The following PSMD6 variants were observed in gnomAD, a reference collection of about 807,000 sequenced individuals.
The protein encoded by PSMD6 is proteasome 26S subunit, non-ATPase 6, also known as 26S proteasome non-ATPase regulatory subunit 6.
A neutral mutation model predicts 44.9 loss-of-function variants in PSMD6; 7 were observed. The observed-to-expected ratio is 0.16, with a 90% confidence interval of 0.09 to 0.29. The LOEUF (loss-of-function observed/expected upper bound fraction) is 0.29. Ranked by LOEUF, PSMD6 falls within the 10% of genes least tolerant of loss-of-function variation. The probability of loss-of-function intolerance (pLI) is 1.00; values close to 1 mark genes in which losing one functional copy is unlikely to be tolerated. For missense variants in PSMD6, 420 were observed against 482.6 expected (o/e 0.87, Z 1.21); for synonymous variants, 184 against 172.7 (o/e 1.07, Z -0.51).
At position 64,022,966 on chromosome 3, in the gene PSMD6, G is replaced by A. The variant is rs1559680034; in HGVS notation, c.145+309C>T. ...CCCGCGCCCGGGAGCAGTCCCCACT[G>A]ACAGAAAGTCACGGGGCCTTTACTC... On this transcript the variant is annotated intron_variant, in intron 1 of 7. Coordinates refer to ENST00000295901, the MANE Select transcript of PSMD6 (RefSeq NM_014814.3). 2.8e-6 allele frequency: 4 copies of A among 1,422,174 alleles called. No individual in the cohort carries two copies. In the East Asian group the frequency reaches 1.0e-4, roughly 35 times the overall value. 88.1% of individuals were successfully genotyped at this position (1,422,174 alleles called of 1,614,324 possible).
At chr3:64,014,911 G>GCAGT (rs1220707388) in intron 5 of PSMD6, 1 of 152,246 alleles carries the variant, frequency 6.6e-6, no homozygotes, top group Non-Finnish European at 1.5e-5. Context: ...CCAGTCTAAG[G>GCAGT]CAGTCAGACA....
chr3:64,022,964 C>T (rs1442378042), intron 1 of PSMD6: 1 of 1,423,792 alleles, frequency 7.0e-7, no homozygotes, highest in South Asian at 1.4e-5. Context: ...GCAGTCCCCA[C>T]TGACAGAAAG....
intron 2 of PSMD6, among the ~76,000 whole-genome samples, chr3:64,021,905 T>A (rs563987292): frequency 6.6e-6 from 1 of 152,186 alleles, no homozygotes. Context: ...TAAAGAAAGA[T>A]AACAGAACTT....
Position 64,013,423 on chromosome 3 carries a change from C to A in PSMD6, c.995+16G>T. 2 of 1,537,718 alleles carry A rather than the reference C, an allele frequency of 1.3e-6. No individual in the cohort carries two copies. The highest frequency in any genetic ancestry group is 1.7e-6 in the Non-Finnish European group (2 of 1,143,008). On this transcript the variant is annotated intron_variant, in intron 6 of 7. Transcript: ENST00000295901. The stretch of plus-strand genomic sequence containing the variant: ...AACTTTAAAACTTCAATTAACATGG[C>A]ATTATTCAAACTTACTGATCAATGA...
At chr3:64,023,154 C>T in intron 1 of PSMD6, 121 bp downstream of exon 1, 2 of 1,427,180 alleles carry the variant, frequency 1.4e-6, no homozygotes, top group Non-Finnish European at 1.8e-6. Flanking sequence ...AGAAGCCAGG[C>T]CTGGTCTCTG....
At chr3:64,023,902 G>T, upstream of PSMD6, 1 of 1,350,764 alleles carries the variant, frequency 7.4e-7, no homozygotes, top group Non-Finnish European at 1.0e-6. Context: ...AGACAAATGA[G>T]GCACAAAGAG....
At chr3:64,016,282 T>G (rs574919743) in intron 5 of PSMD6, 1 of 152,264 alleles carries the variant, frequency 6.6e-6, no homozygotes, top group East Asian at 1.9e-4. Flanking sequence ...TGAGTGAATG[T>G]GTGTATGGAT....
chr3:64,019,567 A>G (rs2076098293), intron 2 of PSMD6, 126 bp from the exon 3 acceptor site: 1 of 953,866 alleles, frequency 1.0e-6, no homozygotes, highest in African/African-American at 1.7e-5. Flanking sequence ...CAAGATGGCC[A>G]TTAACTGTTA....
rs1055872520 is a variant in PSMD6 at position 64,023,050 on chromosome 3, C to T, written c.145+225G>A. On this transcript the variant is annotated intron_variant, in intron 1 of 7. Coordinates refer to ENST00000295901, the MANE Select transcript of PSMD6 (RefSeq NM_014814.3). ...ACGATTCTCCCCCAAGCTGCCCTTACAGGGGAAGGCGGCACAGAGAGATGC... is the reference window on the plus strand; with the variant it reads ...ACGATTCTCCCCCAAGCTGCCCTTATAGGGGAAGGCGGCACAGAGAGATGC... 7 of 1,428,774 alleles carry T rather than the reference C, an allele frequency of 4.9e-6. No individual in the cohort carries two copies. In the South Asian group the frequency reaches 9.1e-5, roughly 18 times the overall value. 88.5% of individuals were successfully genotyped at this position (1,428,774 alleles called of 1,614,324 possible).
At position 64,022,757 on chromosome 3, in the gene PSMD6, G is replaced by A. The variant is rs552466064; in HGVS notation, c.146-234C>T. The A allele has an allele frequency of 2.6e-6, 4 of 1,536,412 alleles. No homozygotes were observed. The East Asian group carries it at 9.8e-5, about 38-fold the overall frequency. On this transcript the variant is annotated intron_variant, in intron 1 of 7. Coordinates refer to ENST00000295901, the MANE Select transcript of PSMD6 (RefSeq NM_014814.3). Reference sequence around the variant, plus strand: ...TGCCAACCTCTACTAGGGCTGGAGGGAGGGCAATCCTCGGTTTGCTCTTGC... The same window carrying A: ...TGCCAACCTCTACTAGGGCTGGAGGAAGGGCAATCCTCGGTTTGCTCTTGC...
At chr3:64,013,202 A>T (rs2075989633) in intron 6 of PSMD6, 1 of 400,328 alleles carries the variant, frequency 2.5e-6, no homozygotes, top group South Asian at 5.9e-5. Flanking sequence ...GACCTTTAAC[A>T]AATCACTTAG....
At position 64,023,316 on chromosome 3, in the gene PSMD6, G is replaced by C. The variant is rs759466000; in HGVS notation, c.104C>G (p.Ala35Gly). Residue 35 changes from alanine (A) to glycine (G), a missense_variant, in exon 1 of 8, where the codon GCT becomes GGT. Physicochemically the swap from Ala to Gly is moderately conservative, Grantham distance 60. Around this residue, in one of 4 missense-constraint regions of PSMD6, gnomAD observed 136 missense variants for 124.2 expected, o/e 1.09. Transcript: ENST00000295901. ...CGCCATCAGCTCGTCGCGCACGGCA[G>C]CGTCTCCGCGGTGCTCGGGCAGGCT... is the stretch of plus-strand genomic sequence containing the variant. ...LLSLPEHRGD[A>G]AVRDELMAAV... 6.3e-7 allele frequency: 1 copy of C among 1,595,838 alleles called. No individual in the cohort carries two copies. Among genetic ancestry groups the C allele is most frequent in the African/African-American group, 1.3e-5 (1 of 74,620 alleles).
chr3:64,010,962 T>TAGAGACAAAAA lies in PSMD6; in HGVS notation c.996-18_996-8dup, dbSNP rs568338372. 19 of 1,579,460 alleles carry TAGAGACAAAAA rather than the reference T, an allele frequency of 1.2e-5. No homozygotes were observed. The African/African-American group carries it at 2.2e-4, about 18-fold the overall frequency. ...AATAAACCTGGACAGTTCCCTAATT[T>TAGAGACAAAAA]AGAGACAAAAAATAACAGAATTAGC... On this transcript the variant is annotated splice_polypyrimidine_tract_variant and splice_region_variant and intron_variant, in intron 6 of 7. Coordinates refer to ENST00000295901, the MANE Select transcript of PSMD6 (RefSeq NM_014814.3).
At chr3:64,016,369 T>G (rs1004149921) in intron 5 of PSMD6, 1 of 151,984 alleles carries the variant, frequency 6.6e-6, no homozygotes, top group African/African-American at 2.4e-5. Flanking sequence ...AGGTACTACC[T>G]AGAAAAGGAT....
intron 5 of PSMD6, chr3:64,016,729 G>A (rs891964407): frequency 6.6e-6 from 1 of 152,166 alleles, no homozygotes; most frequent in Non-Finnish European, 1.5e-5. Flanking sequence ...CACAGCTGAT[G>A]GGAATGTCAA....
Position 64,018,696 on chromosome 3 carries a change from T to C in PSMD6, c.729A>G (p.Gly243=). Residue 243 remains glycine (G), a synonymous_variant, in exon 5 of 8, where the codon GGA becomes GGG. Transcript: ENST00000295901. ...TGTGCAACACTTCAAGAATCTCTGC[T>C]CCTTTAATGACCTAGGTATTTTAAA... ...RPDLREKVIK[G]AEILEVLHSL... 2 of 1,596,030 alleles carry C rather than the reference T, an allele frequency of 1.3e-6. No homozygotes were observed. The highest frequency in any genetic ancestry group is 1.1e-5 in the South Asian group (1 of 90,100).
chr3:64,010,607 G>GTAAGCTATAAAA lies in PSMD6; in HGVS notation c.*49_*60dup. On this transcript the variant is annotated 3_prime_UTR_variant, in exon 8 of 8. Transcript: ENST00000295901. ...ACAGCTGACCTGGGCACATTGTGAA[G>GTAAGCTATAAAA]TAAGCTATAAAAATTCCAAATAATT... is the stretch of plus-strand genomic sequence containing the variant. 8.1e-7 allele frequency: 1 copy of GTAAGCTATAAAA among 1,235,136 alleles called. No homozygotes were observed. Among genetic ancestry groups the GTAAGCTATAAAA allele is most frequent in the East Asian group, 2.4e-5 (1 of 41,768 alleles). The allele number at this position is 1,235,136 out of a possible 1,614,324, so 76.5% of individuals were successfully genotyped here.
At chr3:64,022,061 G>C (rs1340041430) in intron 2 of PSMD6, among the ~76,000 whole-genome samples, 4 of 152,164 alleles carry the variant, frequency 2.6e-5, no homozygotes, top group Non-Finnish European at 5.9e-5. Flanking sequence ...AAATTCTCTA[G>C]ATGTACACTT....
upstream of PSMD6, chr3:64,023,734 T>A (rs2076172222): frequency 6.7e-7 from 1 of 1,488,154 alleles, no homozygotes; most frequent in Non-Finnish European, 9.0e-7. Flanking sequence ...TACTTTCCGT[T>A]TGTAACTGAT....
Sources: allele counts gnomAD v4.1 joint callset (sites outside exome capture counted in the v4.1 genomes callset), GRCh38; gene constraint gnomAD v4.1.1; regional missense constraint gnomAD v4.1.1; transcripts MANE v1.5; gene names NCBI Gene and HGNC (gene_info 2026-07-23, HGNC 2026-07-21).